Variants in SLC6A6 observed in about 807,000 individuals in gnomAD.
The protein encoded by SLC6A6 is solute carrier family 6 member 6, also known as sodium- and chloride-dependent taurine transporter.
A neutral mutation model predicts 68.8 loss-of-function variants in SLC6A6; 16 were observed. That is an observed-to-expected ratio of 0.23 (90% CI 0.16 to 0.35). The LOEUF (loss-of-function observed/expected upper bound fraction) is 0.35. Among genes scored for constraint, SLC6A6 ranks in the 10% least tolerant of loss-of-function variants. The probability of loss-of-function intolerance (pLI) is 1.00; values close to 1 mark genes in which losing one functional copy is unlikely to be tolerated. For missense variants in SLC6A6, 474 were observed against 802.8 expected, an observed-to-expected ratio of 0.59 and a Z score of 4.95; for synonymous variants, 312 against 315.4, an observed-to-expected ratio of 0.99 and a Z score of 0.12.
chr3:14,448,016 C>T, intron 5 of SLC6A6, 200 bp downstream of exon 5: 2 of 1,355,886 alleles, frequency 1.5e-6, no homozygotes, highest in East Asian at 2.6e-5. Context: ...GCTGTTTGAC[C>T]TTAGGCAAGC....
chr3:14,424,800 C>T (rs1322826097), intron 2 of SLC6A6, among the ~76,000 whole-genome samples: 3 of 152,302 alleles, frequency 2.0e-5, no homozygotes, highest in East Asian at 1.9e-4. Flanking sequence ...CCCACTCTAA[C>T]GAGGTGTCTA....
At position 14,485,076 on chromosome 3, in the gene SLC6A6, G is replaced by T; in HGVS notation, c.*69G>T. On this transcript the variant is annotated 3_prime_UTR_variant, in exon 15 of 15. Coordinates refer to ENST00000622186, the MANE Select transcript of SLC6A6 (RefSeq NM_003043.6). Reference sequence around the variant, plus strand: ...TAACATTAGATTCTCATAGGACCAGGTTTACAGAGCTTTATATTTGCACTA... The same window carrying T: ...TAACATTAGATTCTCATAGGACCAGTTTTACAGAGCTTTATATTTGCACTA... 1 of 1,356,434 alleles carries T rather than the reference G, an allele frequency of 7.4e-7. No homozygotes were observed. The highest frequency in any genetic ancestry group is 1.0e-6 in the Non-Finnish European group (1 of 996,628). 84.0% of individuals were successfully genotyped at this position (1,356,434 alleles called of 1,614,324 possible). A position where few individuals can be genotyped will look rare whatever the true frequency, so the allele number is the denominator to read the frequency against.
intron 6 of SLC6A6, among the ~76,000 whole-genome samples, chr3:14,465,102 T>C (rs1700585645): frequency 6.6e-6 from 1 of 152,166 alleles, no homozygotes; most frequent in Non-Finnish European, 1.5e-5. Flanking sequence ...ACTCAGCCAG[T>C]GCCCTGCCTG....
intron 10 of SLC6A6, among the ~76,000 whole-genome samples, chr3:14,473,093 T>C (rs1251538823): frequency 6.6e-6 from 1 of 152,134 alleles, no homozygotes; most frequent in Non-Finnish European, 1.5e-5. Flanking sequence ...AGCCGATGAG[T>C]GGCTGCATCT....
intron 1 of SLC6A6, among the ~76,000 whole-genome samples, chr3:14,408,512 T>C (rs2124893415): frequency 6.6e-6 from 1 of 152,192 alleles, no homozygotes; most frequent in Non-Finnish European, 1.5e-5. Context: ...TTTTTGTATT[T>C]TTAGTAGAGA....
At chr3:14,424,081 C>G (rs1386972636) in intron 2 of SLC6A6, among the ~76,000 whole-genome samples, 1 of 152,188 alleles carries the variant, frequency 6.6e-6, no homozygotes, top group Non-Finnish European at 1.5e-5. Flanking sequence ...CCCCTGCCAG[C>G]TCTGCCTAGT....
intron 9 of SLC6A6, among the ~76,000 whole-genome samples, chr3:14,471,576 G>T (rs1380507927): frequency 1.3e-5 from 2 of 152,168 alleles, no homozygotes; most frequent in Non-Finnish European, 2.9e-5. Context: ...GCAGGCCTGG[G>T]ACCTTGCCCC....
intron 2 of SLC6A6, among the ~76,000 whole-genome samples, chr3:14,431,712 C>A (rs1488211161): frequency 2.0e-5 from 3 of 152,172 alleles, no homozygotes; most frequent in African/African-American, 7.2e-5. Context: ...GTGCTAGTTC[C>A]CCACCCTGTC....
At chr3:14,473,334 G>A (rs1390755535) in intron 10 of SLC6A6, among the ~76,000 whole-genome samples, 1 of 152,206 alleles carries the variant, frequency 6.6e-6, no homozygotes. Flanking sequence ...CCATGCACAT[G>A]GGCCACTGAG....
chr3:14,427,129 G>A lies in SLC6A6; in HGVS notation c.-12+10676G>A, dbSNP rs1491003725. Among the ~76,000 whole-genome samples, 8 of 144,958 alleles carry A rather than the reference G, an allele frequency of 5.5e-5. No homozygotes were observed. In the East Asian group the frequency reaches 1.3e-3, roughly 24 times the overall value. On this transcript the variant is annotated intron_variant, in intron 2 of 14. Coordinates refer to ENST00000622186, the MANE Select transcript of SLC6A6 (RefSeq NM_003043.6). ...TCTTCCGCACTCTCTGGCTGCTTCTGTGCCTCAGAGTAGAAGCCCTTTGGG... is the reference window on the plus strand; with the variant it reads ...TCTTCCGCACTCTCTGGCTGCTTCTATGCCTCAGAGTAGAAGCCCTTTGGG...
At chr3:14,460,678 C>T (rs898105917) in intron 6 of SLC6A6, among the ~76,000 whole-genome samples, 26 of 152,214 alleles carry the variant, frequency 1.7e-4, no homozygotes, top group Admixed American at 4.6e-4. Flanking sequence ...CAGCTGTGGC[C>T]GAGCAAAGAC....
chr3:14,451,133 G>A (rs989511596), intron 5 of SLC6A6, among the ~76,000 whole-genome samples: 1 of 152,188 alleles, frequency 6.6e-6, no homozygotes, highest in Non-Finnish European at 1.5e-5. Flanking sequence ...AATCCAACCT[G>A]TTAATTCCCA....
chr3:14,435,648 TC>T (rs1699835989), intron 2 of SLC6A6, among the ~76,000 whole-genome samples: 1 of 152,152 alleles, frequency 6.6e-6, no homozygotes, highest in African/African-American at 2.4e-5. Context: ...AGCCCATTCT[TC>T]CCTTTGCCAC....
chr3:14,409,502 C>T (rs183137625), intron 1 of SLC6A6, among the ~76,000 whole-genome samples: 20 of 152,364 alleles, frequency 1.3e-4, no homozygotes, highest in Admixed American at 2.6e-4. Context: ...GTGGAAGGAG[C>T]GCTGGACCCA....
chr3:14,483,608 A>G lies in SLC6A6; in HGVS notation c.1723-1259A>G, dbSNP rs183360986. On this transcript the variant is annotated intron_variant, in intron 14 of 14. Coordinates refer to ENST00000622186, the MANE Select transcript of SLC6A6 (RefSeq NM_003043.6). ...GTCATGGGGGTAGGGCTGGGAGCAA[A>G]CTGGAGAAGGTGCTACAAGGAGGGG... is the stretch of plus-strand genomic sequence containing the variant. Among the ~76,000 whole-genome samples the G allele has an allele frequency of 7.2e-5, 11 of 152,294 alleles. No individual in the cohort carries two copies. In the East Asian group the frequency reaches 1.9e-3, roughly 27 times the overall value.
At chr3:14,425,394 A>G (rs1263292705) in intron 2 of SLC6A6, among the ~76,000 whole-genome samples, 1 of 152,204 alleles carries the variant, frequency 6.6e-6, no homozygotes, top group Non-Finnish European at 1.5e-5. Context: ...GAGCCCAAGC[A>G]GCAGAGGCAG....
Position 14,485,320 on chromosome 3 carries a change from T to A in SLC6A6, c.*313T>A. 1 of 208,476 alleles carries A rather than the reference T, an allele frequency of 4.8e-6. No individual in the cohort carries two copies. Among genetic ancestry groups the A allele is most frequent in the Non-Finnish European group, 9.6e-6 (1 of 103,636 alleles). The allele number at this position is 208,476 out of a possible 1,614,324, so 12.9% of individuals were successfully genotyped here. On this transcript the variant is annotated 3_prime_UTR_variant, in exon 15 of 15. Transcript: ENST00000622186. ...ATTTGGTAAATTTTTCTTTGTATTT[T>A]TTTTTTTACATATAAGTATATATAC...
Position 14,453,625 on chromosome 3 carries a change from C to G in SLC6A6, c.600-4325C>G, listed in dbSNP as rs368110392. On this transcript the variant is annotated intron_variant, in intron 5 of 14. Coordinates refer to ENST00000622186, the MANE Select transcript of SLC6A6 (RefSeq NM_003043.6). The stretch of plus-strand genomic sequence containing the variant: ...GTGATCAAGACAGACATAGACCCTG[C>G]CTTCTTGGGACTGACATTTTAGTGG... 9.2e-5 allele frequency among the ~76,000 whole-genome samples: 14 copies of G among 152,320 alleles called. No homozygotes were observed. In the South Asian group the frequency reaches 1.7e-3, roughly 18 times the overall value.
intron 2 of SLC6A6, among the ~76,000 whole-genome samples, chr3:14,420,350 A>C: frequency 6.6e-6 from 1 of 152,182 alleles, no homozygotes; most frequent in East Asian, 1.9e-4. Flanking sequence ...AGAGAAAACA[A>C]GCTGCTGGAT....
Sources: allele counts gnomAD v4.1 joint callset (sites outside exome capture counted in the v4.1 genomes callset), GRCh38; gene constraint gnomAD v4.1.1; transcripts MANE v1.5; gene names NCBI Gene and HGNC (gene_info 2026-07-23, HGNC 2026-07-21).